MICU1: variants seen among roughly 807,000 people sequenced by gnomAD.
MICU1 encodes the protein calcium uptake protein 1, mitochondrial.
Under a neutral mutation model 56.8 loss-of-function variants are expected in MICU1, and 45 were observed. That is an observed-to-expected ratio of 0.79 (90% CI 0.62 to 1.02). The LOEUF (loss-of-function observed/expected upper bound fraction) is 1.02. Ranked by LOEUF, MICU1 falls within the 50% of genes least tolerant of loss-of-function variation. MICU1 has a pLI of 0.00. For synonymous variants in MICU1, 186 were observed against 195.1 expected, an observed-to-expected ratio of 0.95 and a Z score of 0.39; for missense variants, 504 against 587.1, an observed-to-expected ratio of 0.86 and a Z score of 1.46.
Position 72,368,352 on chromosome 10 carries a change from T to C in MICU1, c.1274A>G (p.Asn425Ser), listed in dbSNP as rs575376093. 6.2e-7 allele frequency: 1 copy of C among 1,613,080 alleles called. No individual in the cohort carries two copies. Among genetic ancestry groups the C allele is most frequent in the African/African-American group, 1.3e-5 (1 of 75,034 alleles). The change falls in exon 12 of 12, where the codon AAT becomes AGT. Residue 425 changes from asparagine (N) to serine (S), a missense_variant. Physicochemically the swap from Asn to Ser is conservative, Grantham distance 46. Coordinates refer to ENST00000361114, the MANE Select transcript of MICU1 (RefSeq NM_001195518.2). ...VVFALFDCDG[N>S]GELSNKEFVS... is the part of the protein sequence containing the mutation. ...AAATTCCTTATTGCTCAGTTCGCCA[T>C]TGCCTAGAGGAAGAGGCAAAAACAA...
chr10:72,446,604 C>T lies in MICU1; in HGVS notation c.934-23233G>A, dbSNP rs572749638. Among the ~76,000 whole-genome samples the T allele has an allele frequency of 1.2e-3, 177 of 152,280 alleles. 1 individual carries two copies. Among genetic ancestry groups the T allele is most frequent in the Middle Eastern group, 0.01 (3 of 294 alleles). On this transcript the variant is annotated intron_variant, in intron 8 of 11. Transcript: ENST00000361114. ...TCAGCCTCCCAAAGTGGTGAGATTA[C>T]AGATGTGAACCACCAGGCCCAGCCC...
intron 1 of MICU1, among the ~76,000 whole-genome samples, chr10:72,586,023 T>TTC (rs1841048601): frequency 7.4e-6 from 1 of 134,628 alleles, no homozygotes; most frequent in African/African-American, 2.8e-5. Flanking sequence ...CTTTTTTTTT[T>TTC]TTTTTTTTTG....
chr10:72,374,856 G>A (rs907294845), intron 11 of MICU1, among the ~76,000 whole-genome samples: 1 of 117,964 alleles, frequency 8.5e-6, no homozygotes, highest in Non-Finnish European at 1.6e-5. Flanking sequence ...TCGCTCTGTC[G>A]CCCAGGCTGG....
At chr10:72,389,970 C>A (rs1253964593) in intron 10 of MICU1, among the ~76,000 whole-genome samples, 1 of 152,186 alleles carries the variant, frequency 6.6e-6, no homozygotes, top group Non-Finnish European at 1.5e-5. Flanking sequence ...AGCAATAGAA[C>A]CAGTTCTTCT....
chr10:72,535,194 T>G (rs1365712050), intron 4 of MICU1, among the ~76,000 whole-genome samples: 2 of 151,592 alleles, frequency 1.3e-5, no homozygotes, highest in Admixed American at 6.6e-5. Flanking sequence ...GATACCTGTC[T>G]GATTTTTGTA....
intron 4 of MICU1, among the ~76,000 whole-genome samples, chr10:72,549,191 G>GT (rs869232997): frequency 0.022 from 2,849 of 131,510 alleles, 35 homozygotes; most frequent in Non-Finnish European, 0.031. Context: ...GTTTTTTTTG[G>GT]TTTTTTTTTT....
chr10:72,510,170 C>A (rs1867396019), intron 5 of MICU1, among the ~76,000 whole-genome samples: 1 of 152,062 alleles, frequency 6.6e-6, no homozygotes, highest in Non-Finnish European at 1.5e-5. Flanking sequence ...AAGAAGCAAA[C>A]CTAACATTAT....
intron 5 of MICU1, chr10:72,508,503 T>C (rs901016928): frequency 6.5e-6 from 2 of 308,096 alleles, no homozygotes; most frequent in Non-Finnish European, 1.2e-5. Context: ...TAGAAAATAA[T>C]TTCAATGTTA....
At chr10:72,586,021 T>TTTC (rs1841048102) in intron 1 of MICU1, among the ~76,000 whole-genome samples, 1 of 133,362 alleles carries the variant, frequency 7.5e-6, no homozygotes, top group South Asian at 2.6e-4. Flanking sequence ...TTCTTTTTTT[T>TTTC]TTTTTTTTTT....
At chr10:72,477,685 C>G in intron 6 of MICU1, 1 of 726,924 alleles carries the variant, frequency 1.4e-6, no homozygotes, top group Non-Finnish European at 2.2e-6. Flanking sequence ...CTTACCCTCA[C>G]AACAAGCCAG....
chr10:72,569,071 C>G (rs1215618597), intron 1 of MICU1, among the ~76,000 whole-genome samples: 1 of 149,722 alleles, frequency 6.7e-6, no homozygotes, highest in African/African-American at 2.5e-5. Flanking sequence ...TCTTATTCAA[C>G]AAAAATTTAT....
At chr10:72,383,142 A>G (rs530207171) in intron 10 of MICU1, among the ~76,000 whole-genome samples, 34 of 152,058 alleles carry the variant, frequency 2.2e-4, no homozygotes, top group African/African-American at 7.2e-4. Flanking sequence ...GCTACTTGGG[A>G]AACTGAGGTG....
rs142546167 is a variant in MICU1, at chr10:72,619,808, C to T, written c.-2+6202G>A. ...GCTCACCAGTTGGGAGATGGCAGAA[C>T]GGTGGAGAGGCATTCCAGGTACAAC... is the stretch of plus-strand genomic sequence containing the variant. On this transcript the variant is annotated intron_variant, in intron 1 of 11. Coordinates refer to ENST00000361114, the MANE Select transcript of MICU1 (RefSeq NM_001195518.2). Among the ~76,000 whole-genome samples, 193 of 152,192 alleles carry T rather than the reference C, an allele frequency of 1.3e-3. 1 individual carries two copies. The highest frequency in any genetic ancestry group is 4.1e-3 in the African/African-American group (169 of 41,520).
At chr10:72,479,248 C>A (rs563268480) in intron 6 of MICU1, among the ~76,000 whole-genome samples, 1 of 152,308 alleles carries the variant, frequency 6.6e-6, no homozygotes, top group African/African-American at 2.4e-5. Flanking sequence ...CCAAAGCCTA[C>A]AAACTTTCCT....
At chr10:72,521,169 CT>C (rs1448797414) in intron 5 of MICU1, among the ~76,000 whole-genome samples, 1 of 151,982 alleles carries the variant, frequency 6.6e-6, no homozygotes, top group Non-Finnish European at 1.5e-5. Flanking sequence ...CCTTCTTTCA[CT>C]TGGAAAAAAA....
chr10:72,588,101 C>G (rs575319418), intron 1 of MICU1, among the ~76,000 whole-genome samples: 3 of 152,262 alleles, frequency 2.0e-5, no homozygotes, highest in South Asian at 4.1e-4. Context: ...CCTCGCTGTT[C>G]TGTGACAGTG....
intron 5 of MICU1, among the ~76,000 whole-genome samples, chr10:72,512,478 G>C (rs1449872204): frequency 6.6e-6 from 1 of 151,984 alleles, no homozygotes; most frequent in Non-Finnish European, 1.5e-5. Context: ...TTGATTTTTT[G>C]GGATTGTATC....
At chr10:72,392,582 AAAAAT>A (rs1247647009) in intron 10 of MICU1, among the ~76,000 whole-genome samples, 1 of 133,218 alleles carries the variant, frequency 7.5e-6, no homozygotes, top group Non-Finnish European at 1.5e-5. Flanking sequence ...AAAAAATTAA[AAAAAT>A]AAAATAAACA....
chr10:72,449,293 G>T (rs1865220937), intron 8 of MICU1, among the ~76,000 whole-genome samples: 1 of 152,182 alleles, frequency 6.6e-6, no homozygotes, highest in South Asian at 2.1e-4. Context: ...AGCCACTCAG[G>T]AGGCTGAGGT....
Sources: gnomAD v4.1 joint callset for allele counts (sites outside exome capture counted in the v4.1 genomes callset) on GRCh38, gnomAD v4.1.1 for gene constraint, MANE v1.5 for transcripts, NCBI Gene and HGNC (gene_info 2026-07-23, HGNC 2026-07-21) for gene names.